The following GRB10 variants were observed in gnomAD, a reference collection of about 807,000 sequenced individuals.
The protein encoded by GRB10 is growth factor receptor-bound protein 10.
Under a neutral mutation model 80.9 loss-of-function variants are expected in GRB10, and 20 were observed. The observed-to-expected ratio is 0.25, with a 90% CI of 0.17 to 0.36. The LOEUF is 0.36. GRB10 is among the 10% of genes least tolerant of loss of function. The probability of loss-of-function intolerance (pLI) is 1.00; values close to 1 mark genes in which losing one functional copy is unlikely to be tolerated. For missense variants in GRB10, 548 were observed against 747.7 expected, an observed-to-expected ratio of 0.73 and a Z score of 3.12; for synonymous variants, 291 against 291.5, an observed-to-expected ratio of 1.00 and a Z score of 0.02.
chr7:50,655,774 C>T (rs771158274), intron 7 of GRB10, among the ~76,000 whole-genome samples: 12 of 152,234 alleles, frequency 7.9e-5, no homozygotes, highest in Non-Finnish European at 5.9e-5. Flanking sequence ...TTCCTAGGCG[C>T]TGCCTCCTCT....
chr7:50,647,166 T>C (rs575063320), intron 7 of GRB10, among the ~76,000 whole-genome samples: 1 of 137,934 alleles, frequency 7.2e-6, no homozygotes, highest in Admixed American at 7.5e-5. Flanking sequence ...TCTATCAGTG[T>C]CTAAATAGAG....
intron 17 of GRB10, among the ~76,000 whole-genome samples, chr7:50,598,998 G>T (rs1171621312): frequency 1.3e-5 from 2 of 152,082 alleles, no homozygotes; most frequent in African/African-American, 4.8e-5. Flanking sequence ...TGGTGTTGGG[G>T]GTGGGGTGGG....
At chr7:50,618,194 G>T in intron 9 of GRB10, 55 bp from the exon 10 acceptor site, 1 of 1,303,482 alleles carries the variant, frequency 7.7e-7, no homozygotes, top group Non-Finnish European at 1.1e-6. Context: ...AGTGAGGGAA[G>T]GTATGTCATA....
intron 7 of GRB10, among the ~76,000 whole-genome samples, chr7:50,636,971 GT>G (rs991537423): frequency 6.6e-6 from 1 of 151,906 alleles, no homozygotes; most frequent in Non-Finnish European, 1.5e-5. Flanking sequence ...CATGAGTTGT[GT>G]TTTTTTTGTT....
At chr7:50,635,484 A>G (rs1159596856) in intron 7 of GRB10, among the ~76,000 whole-genome samples, 1 of 152,142 alleles carries the variant, frequency 6.6e-6, no homozygotes, top group Non-Finnish European at 1.5e-5. Context: ...AAACAAGAAC[A>G]AAACCCAAAG....
intron 12 of GRB10, 65 bp downstream of exon 12, chr7:50,614,705 G>T: frequency 1.0e-6 from 1 of 960,684 alleles, no homozygotes; most frequent in South Asian, 1.3e-5. Flanking sequence ...TGCTGGGCAA[G>T]AGAAGAAGTC....
chr7:50,691,124 T>C lies in GRB10; in HGVS notation c.139+12697A>G, dbSNP rs145986734. 1.3e-3 allele frequency among the ~76,000 whole-genome samples: 205 copies of C among 152,298 alleles called. 1 individual carries two copies. The highest frequency in any genetic ancestry group is 4.5e-3 in the African/African-American group (189 of 41,556). Reference sequence around the variant, plus strand: ...ATAAGCACAATTAAAGGGAAACCACTGTCCCAGGCAGCGGGGGCAACTGTA... The same window carrying C: ...ATAAGCACAATTAAAGGGAAACCACCGTCCCAGGCAGCGGGGGCAACTGTA... On this transcript the variant is annotated intron_variant, in intron 5 of 18. Transcript: ENST00000401949.
At chr7:50,781,807 A>G (rs2078310541) in intron 1 of GRB10, among the ~76,000 whole-genome samples, 1 of 152,242 alleles carries the variant, frequency 6.6e-6, no homozygotes, top group African/African-American at 2.4e-5. Flanking sequence ...GAACTCCATC[A>G]AGAACACGAA....
chr7:50,678,740 T>G (rs1396811946), intron 5 of GRB10, among the ~76,000 whole-genome samples: 1 of 152,208 alleles, frequency 6.6e-6, no homozygotes, highest in Non-Finnish European at 1.5e-5. Flanking sequence ...CCTATGGCGT[T>G]TATTCTGTCA....
At chr7:50,715,892 C>T (rs1313909435) in intron 4 of GRB10, among the ~76,000 whole-genome samples, 1 of 152,222 alleles carries the variant, frequency 6.6e-6, no homozygotes. Context: ...ACATGATCCA[C>T]ATGACGCAGC....
At chr7:50,744,294 C>A (rs1019518766) in intron 3 of GRB10, among the ~76,000 whole-genome samples, 3 of 152,176 alleles carry the variant, frequency 2.0e-5, no homozygotes, top group Non-Finnish European at 4.4e-5. Flanking sequence ...AGGGAGGGAG[C>A]AGTATCAGGT....
chr7:50,604,663 G>T (rs374606937), intron 15 of GRB10, among the ~76,000 whole-genome samples: 2 of 152,166 alleles, frequency 1.3e-5, no homozygotes, highest in Non-Finnish European at 2.9e-5. Context: ...CTGGTAAATC[G>T]CAGGAGAAAC....
chr7:50,707,362 T>G (rs541254626), intron 4 of GRB10, among the ~76,000 whole-genome samples: 61 of 152,300 alleles, frequency 4.0e-4, no homozygotes, highest in African/African-American at 1.4e-3. Flanking sequence ...CCTGCTCACG[T>G]GTTATAATCT....
At chr7:50,650,636 C>T (rs952739647) in intron 7 of GRB10, among the ~76,000 whole-genome samples, 9 of 152,148 alleles carry the variant, frequency 5.9e-5, no homozygotes, top group Non-Finnish European at 1.2e-4. Flanking sequence ...ATGTGTTCCC[C>T]TGTTTGGGTG....
In GRB10 at chr7:50,792,486, G is replaced by A. The variant is rs537255512; in HGVS notation, c.-294+738C>T. The A allele has an allele frequency of 3.3e-5, 13 of 398,556 alleles. No homozygotes were observed. The East Asian group carries it at 4.3e-4, about 13-fold the overall frequency. The allele number at this position is 398,556 out of a possible 1,614,324, so 24.7% of individuals were successfully genotyped here. On this transcript the variant is annotated intron_variant, in intron 1 of 16. Coordinates refer to the GRB10 transcript ENST00000335866. The stretch of plus-strand genomic sequence containing the variant: ...ATGCTCCAAGGCAGTCGTCAGGCAG[G>A]CGTTTGGAGAGGCAATCAGCAAAGG...
intron 8 of GRB10, among the ~76,000 whole-genome samples, chr7:50,619,925 T>TAC (rs55706374): frequency 3.3e-5 from 5 of 151,908 alleles, no homozygotes; most frequent in East Asian, 1.9e-4. Flanking sequence ...TGTGGACACG[T>TAC]ACACACACAC....
At chr7:50,645,866 C>G (rs2057103591) in intron 7 of GRB10, among the ~76,000 whole-genome samples, 1 of 152,220 alleles carries the variant, frequency 6.6e-6, no homozygotes, top group African/African-American at 2.4e-5. Context: ...GGTCCAAAGC[C>G]ACATTGCGAG....
At chr7:50,648,650 C>A (rs1176026378) in intron 7 of GRB10, among the ~76,000 whole-genome samples, 1 of 152,120 alleles carries the variant, frequency 6.6e-6, no homozygotes, top group East Asian at 1.9e-4. Context: ...TCCAGTTGAC[C>A]ACATCCCTCC....
intron 10 of GRB10, 116 bp downstream of exon 10, chr7:50,617,955 G>T (rs1282277610): frequency 8.7e-6 from 8 of 916,854 alleles, no homozygotes; most frequent in Middle Eastern, 4.2e-4. Flanking sequence ...AAGAGCCAAG[G>T]TTATAAATGG....
Sources: gnomAD v4.1 joint callset for allele counts (sites outside exome capture counted in the v4.1 genomes callset) on GRCh38, gnomAD v4.1.1 for gene constraint, MANE v1.5 for transcripts, NCBI Gene and HGNC (gene_info 2026-07-23, HGNC 2026-07-21) for gene names.